Variants in IST1 observed in about 807,000 individuals in gnomAD.
IST1 encodes the protein IST1 homolog.
A neutral mutation model predicts 37.0 loss-of-function variants in IST1; 23 were observed. The ratio of observed to expected loss-of-function variants is 0.62; its 90% CI spans 0.45 to 0.88. The LOEUF is 0.88. IST1 is among the 40% of genes least tolerant of loss of function. IST1 has a pLI of 0.00. For missense variants in IST1, 488 were observed against 445.4 expected, an observed-to-expected ratio of 1.10 and a Z score of -0.86; for synonymous variants, 180 against 161.7, an observed-to-expected ratio of 1.11 and a Z score of -0.86.
In IST1 at chr16:71,927,825, C is replaced by G. The variant is rs1338137921; in HGVS notation, c.*12C>G. 2 of 1,604,344 alleles carry G rather than the reference C, an allele frequency of 1.2e-6. No individual in the cohort carries two copies. Among genetic ancestry groups the G allele is most frequent in the Non-Finnish European group, 8.5e-7 (1 of 1,172,368 alleles). ...AAAAGAAAACATAGGTCTCTTAAACCAGGCAACTTTCACGTTTTGGGAGTT... is the reference window on the plus strand; with the variant it reads ...AAAAGAAAACATAGGTCTCTTAAACGAGGCAACTTTCACGTTTTGGGAGTT... On this transcript the variant is annotated 3_prime_UTR_variant, in exon 10 of 10. Transcript: ENST00000378799.
At chr16:71,898,496 C>T (rs2037028599) in intron 1 of IST1, among the ~76,000 whole-genome samples, 1 of 151,414 alleles carries the variant, frequency 6.6e-6, no homozygotes, top group African/African-American at 2.4e-5. Flanking sequence ...CCAGCCTGGC[C>T]AACATGGTGA....
At chr16:71,907,224 A>ATATTT (rs1257056275) in intron 1 of IST1, among the ~76,000 whole-genome samples, 1 of 146,998 alleles carries the variant, frequency 6.8e-6, no homozygotes, top group African/African-American at 2.5e-5. Context: ...GAGAAAGGCC[A>ATATTT]TATTTTAAAT....
At chr16:71,910,856 A>G (rs1305764685) in intron 1 of IST1, among the ~76,000 whole-genome samples, 2 of 152,172 alleles carry the variant, frequency 1.3e-5, no homozygotes, top group Non-Finnish European at 2.9e-5. Flanking sequence ...CTTCAGCTCT[A>G]CTTTCCAGAG....
chr16:71,927,661 G>A lies in IST1; in HGVS notation c.949G>A (p.Ala317Thr), dbSNP rs1489980230. Residue 317 changes from alanine to threonine, a missense_variant, in exon 10 of 10, where the codon GCA becomes ACA. Ala to Thr is a moderately conservative substitution (Grantham distance 58). Around this residue, in one of 2 missense-constraint regions of IST1, gnomAD observed 455 missense variants for 386.2 expected, o/e 1.18. Coordinates refer to ENST00000378799, the MANE Select transcript of IST1 (RefSeq NM_001270975.2). ...CTCTGCAAAGCTTCCTTCCAGACCT[G>A]CAGATAACTATGACAACTTTGTCCT... ...EASAKLPSRPADNYDNFVLPE... is the reference protein window; with the variant it reads ...EASAKLPSRPTDNYDNFVLPE... The A allele has an allele frequency of 1.1e-5, 17 of 1,613,906 alleles. No homozygotes were observed. The highest frequency in any genetic ancestry group is 1.4e-5 in the Non-Finnish European group (17 of 1,179,848).
At chr16:71,927,504 T>G in intron 9 of IST1, 110 bp from the exon 10 acceptor site, 2 of 773,812 alleles carry the variant, frequency 2.6e-6, no homozygotes, top group Non-Finnish European at 2.1e-6. Flanking sequence ...AAAAAAAAAG[T>G]TTGTGAACTA....
intron 1 of IST1, among the ~76,000 whole-genome samples, chr16:71,897,126 G>T (rs950723650): frequency 1.3e-5 from 2 of 149,260 alleles, no homozygotes; most frequent in Non-Finnish European, 3.0e-5. Context: ...TGATCCTCCC[G>T]CCCCAGCCTT....
In IST1 at chr16:71,928,293, G is replaced by A. The variant is rs186820446; in HGVS notation, c.*480G>A. ...CCACCTTGTGTGTTTTCTCACTCTC[G>A]AATGCAAGTGGGAGAGGGAAAATGA... is the stretch of plus-strand genomic sequence containing the variant. On this transcript the variant is annotated 3_prime_UTR_variant, in exon 10 of 10. Coordinates refer to ENST00000378799, the MANE Select transcript of IST1 (RefSeq NM_001270975.2). 1.8e-3 allele frequency: 299 copies of A among 167,700 alleles called. No homozygotes were observed. The highest frequency in any genetic ancestry group is 2.4e-3 in the Admixed American group (41 of 17,166). 10.4% of individuals were successfully genotyped at this position (167,700 alleles called of 1,614,324 possible).
Position 71,929,434 on chromosome 16 carries a change from C to G in IST1, c.*1621C>G, listed in dbSNP as rs1299051896. 4.2e-6 allele frequency: 5 copies of G among 1,193,432 alleles called. No homozygotes were observed. The East Asian group carries it at 7.9e-5, about 19-fold the overall frequency. 73.9% of individuals were successfully genotyped at this position (1,193,432 alleles called of 1,614,324 possible). A position where few individuals can be genotyped will look rare whatever the true frequency, so the allele number is the denominator to read the frequency against. ...GGACCAAGGGGATTTTGATTCCTAA[C>G]TTACAGAATTAAAAACAAAGTATAT... On this transcript the variant is annotated 3_prime_UTR_variant, in exon 10 of 10. Transcript: ENST00000378799.
chr16:71,896,072 C>G (rs766073889), intron 1 of IST1, among the ~76,000 whole-genome samples: 1 of 152,194 alleles, frequency 6.6e-6, no homozygotes, highest in Non-Finnish European at 1.5e-5. Flanking sequence ...TGGGCTTGTT[C>G]CTGGGTTGGG....
intron 8 of IST1, 36 bp from the exon 9 acceptor site, chr16:71,924,733 T>C (rs1300223602): frequency 8.5e-6 from 13 of 1,531,188 alleles, no homozygotes; most frequent in Admixed American, 8.3e-5. Flanking sequence ...AGTGACACTA[T>C]TGCTGTCTCC....
chr16:71,921,485 A>G, intron 6 of IST1, 32 bp downstream of exon 6: 1 of 1,348,020 alleles, frequency 7.4e-7, no homozygotes, highest in African/African-American at 1.5e-5. Context: ...AAGAAAAATG[A>G]GTTTGTAGGT....
At chr16:71,911,346 G>A (rs553133412) in intron 1 of IST1, among the ~76,000 whole-genome samples, 3 of 73,886 alleles carry the variant, frequency 4.1e-5, no homozygotes, top group African/African-American at 1.2e-4. Flanking sequence ...AGAATGCTAC[G>A]TTACCTTTTT....
chr16:71,914,371 A>G (rs1054280888), intron 1 of IST1, among the ~76,000 whole-genome samples: 2 of 151,208 alleles, frequency 1.3e-5, no homozygotes, highest in Admixed American at 1.3e-4. Context: ...CATGTTGGCC[A>G]GGATGGTCTC....
At chr16:71,909,060 A>G (rs913804109) in intron 1 of IST1, among the ~76,000 whole-genome samples, 8 of 144,280 alleles carry the variant, frequency 5.5e-5, no homozygotes, top group Non-Finnish European at 7.6e-5. Flanking sequence ...TCTGCTGCAT[A>G]GTATTCTGTC....
At chr16:71,904,878 T>G (rs1205255510) in intron 1 of IST1, among the ~76,000 whole-genome samples, 1 of 152,230 alleles carries the variant, frequency 6.6e-6, no homozygotes, top group African/African-American at 2.4e-5. Context: ...CCATTTTCAT[T>G]TAATTATGTA....
At chr16:71,924,188 T>TC (rs2037682208) in intron 8 of IST1, 2 of 456,014 alleles carry the variant, frequency 4.4e-6, no homozygotes, top group Non-Finnish European at 8.8e-6. Flanking sequence ...TCGAAAATCT[T>TC]CATCAGTATT....
At chr16:71,923,133 A>C (rs1020232135) in intron 7 of IST1, among the ~76,000 whole-genome samples, 155 bp from the exon 8 acceptor site, 2 of 152,102 alleles carry the variant, frequency 1.3e-5, no homozygotes, top group African/African-American at 4.8e-5. Context: ...AATCCTGACC[A>C]CATGTGGTCC....
In IST1 at chr16:71,922,679, C is replaced by T. The variant is rs531004513; in HGVS notation, c.758C>T (p.Pro253Leu). ...TPFSYPLPKGPSDFNGLPMGT... is the reference protein window; with the variant it reads ...TPFSYPLPKGLSDFNGLPMGT... ...TTCTCATATCCACTGCCAAAGGGAC[C>T]AGTAAGTATATATAAGTGTGGATGT... Residue 253 changes from proline to leucine, a missense_variant and splice_region_variant, in exon 7 of 10, where the codon CCA becomes CTA. Pro to Leu is a moderately conservative substitution (Grantham distance 98, BLOSUM62 -3). Transcript: ENST00000378799. 6.9e-7 allele frequency: 1 copy of T among 1,442,816 alleles called. No individual in the cohort carries two copies. The highest frequency in any genetic ancestry group is 2.7e-5 in the East Asian group (1 of 37,332). The allele number at this position is 1,442,816 out of a possible 1,614,324, so 89.4% of individuals were successfully genotyped here.
intron 1 of IST1, among the ~76,000 whole-genome samples, chr16:71,908,083 A>G (rs561744870): frequency 2.0e-5 from 3 of 152,216 alleles, no homozygotes; most frequent in African/African-American, 7.2e-5. Flanking sequence ...AGCTGGGACT[A>G]CAGGCACGTG....
Sources: gnomAD v4.1 joint callset for allele counts (sites outside exome capture counted in the v4.1 genomes callset) on GRCh38, gnomAD v4.1.1 for gene constraint, gnomAD v4.1.1 regional missense constraint, MANE v1.5 for transcripts, NCBI Gene and HGNC (gene_info 2026-07-23, HGNC 2026-07-21) for gene names.